The following TSPAN18 variants were observed in gnomAD, a reference collection of about 807,000 sequenced individuals.
The protein encoded by TSPAN18 is tetraspanin 18.
In TSPAN18, 14 loss-of-function variants were observed where a neutral mutation model predicts 27.3. The ratio of observed to expected loss-of-function variants is 0.51; its 90% CI spans 0.34 to 0.80. The LOEUF is 0.80. TSPAN18 is among the 30% of genes least tolerant of loss of function. TSPAN18 has a pLI of 0.01. For synonymous variants in TSPAN18, 143 were observed against 136.5 expected, an observed-to-expected ratio of 1.05 and a Z score of -0.33; for missense variants, 268 against 323.9, an observed-to-expected ratio of 0.83 and a Z score of 1.32.
intron 1 of TSPAN18, among the ~76,000 whole-genome samples, chr11:44,731,633 T>A (rs11825215): frequency 0.27 from 29,283 of 107,338 alleles, 4,883 homozygotes; most frequent in East Asian, 0.73. Flanking sequence ...TGTGTGTGTG[T>A]GAGAGAGAGA....
At chr11:44,746,683 G>A (rs1170944757) in intron 1 of TSPAN18, among the ~76,000 whole-genome samples, 1 of 152,170 alleles carries the variant, frequency 6.6e-6, no homozygotes, top group Non-Finnish European at 1.5e-5. Flanking sequence ...CTTGAGCCGA[G>A]GAGTTAGAAG....
rs572073615 is a variant in TSPAN18 at position 44,755,935 on chromosome 11, G to A, written c.-239-8491G>A. Among the ~76,000 whole-genome samples the A allele has an allele frequency of 2.6e-3, 403 of 152,210 alleles. 1 individual carries two copies. The highest frequency in any genetic ancestry group is 4.5e-3 in the Non-Finnish European group (305 of 68,010). ...GAGTACAGAGCCAGGGTGGGGAGAA[G>A]GGGAGACAGAGAGAGAAATGGAGAG... On this transcript the variant is annotated intron_variant, in intron 1 of 9. Transcript: ENST00000520358.
chr11:44,791,800 A>C (rs1856230784), intron 2 of TSPAN18, among the ~76,000 whole-genome samples: 2 of 152,208 alleles, frequency 1.3e-5, no homozygotes, highest in African/African-American at 4.8e-5. Context: ...TGTAGCACTC[A>C]AGGCACCCTC....
At chr11:44,769,951 G>A (rs1478626355) in intron 2 of TSPAN18, among the ~76,000 whole-genome samples, 1 of 152,196 alleles carries the variant, frequency 6.6e-6, no homozygotes, top group Non-Finnish European at 1.5e-5. Context: ...AGGCTTAGGG[G>A]TAAATCTCGT....
chr11:44,743,298 T>C (rs1312064289), intron 1 of TSPAN18, among the ~76,000 whole-genome samples: 2 of 152,052 alleles, frequency 1.3e-5, no homozygotes, highest in Non-Finnish European at 2.9e-5. Flanking sequence ...CATGACAATG[T>C]CTTTGGGGTG....
At position 44,909,686 on chromosome 11, in the gene TSPAN18, C is replaced by G. The variant is rs1398033854; in HGVS notation, c.64-19C>G. The G allele has an allele frequency of 6.2e-7, 1 of 1,600,064 alleles. No individual in the cohort carries two copies. The highest frequency in any genetic ancestry group is 8.5e-7 in the Non-Finnish European group (1 of 1,174,820). ...TTTCTGCCTGTTTCTCCTCCCAACT[C>G]CTCCACTGGCCCGAGCAGCTGGGCG... On this transcript the variant is annotated intron_variant, in intron 4 of 9. Transcript: ENST00000520358.
intron 3 of TSPAN18, among the ~76,000 whole-genome samples, chr11:44,898,915 T>A (rs1859159270): frequency 6.6e-6 from 1 of 152,230 alleles, no homozygotes; most frequent in South Asian, 2.1e-4. Context: ...CACCTGGTTT[T>A]GTTTTACACG....
chr11:44,857,216 C>G (rs1019770622), intron 2 of TSPAN18, among the ~76,000 whole-genome samples: 1 of 152,222 alleles, frequency 6.6e-6, no homozygotes, highest in Non-Finnish European at 1.5e-5. Flanking sequence ...TTATCTTGAT[C>G]ACTGGGATTA....
chr11:44,876,250 A>G (rs1012401701), intron 3 of TSPAN18, among the ~76,000 whole-genome samples: 11 of 152,308 alleles, frequency 7.2e-5, no homozygotes, highest in African/African-American at 2.2e-4. Flanking sequence ...AGGTGGGTCA[A>G]TGCTGTCTCT....
chr11:44,756,128 CCT>C (rs756193010), intron 1 of TSPAN18, among the ~76,000 whole-genome samples: 19 of 152,132 alleles, frequency 1.2e-4, no homozygotes, highest in Non-Finnish European at 2.6e-4. Context: ...CTCTCTTCCT[CCT>C]CTGAAATCCG....
intron 1 of TSPAN18, among the ~76,000 whole-genome samples, chr11:44,763,908 T>C (rs755261903): frequency 2.2e-4 from 34 of 151,876 alleles, no homozygotes; most frequent in Non-Finnish European, 4.3e-4. Flanking sequence ...AATTTATATA[T>C]AAAAAAAGAT....
chr11:44,795,328 C>T (rs909691466), intron 2 of TSPAN18, among the ~76,000 whole-genome samples: 11 of 144,670 alleles, frequency 7.6e-5, no homozygotes, highest in Non-Finnish European at 1.5e-4. Context: ...TGGCATGAGG[C>T]GATGTTTAAG....
chr11:44,929,459 A>C lies in TSPAN18; in HGVS notation c.*281A>C. 2.2e-6 allele frequency: 1 copy of C among 455,448 alleles called. No homozygotes were observed. Among genetic ancestry groups the C allele is most frequent in the Non-Finnish European group, 3.9e-6 (1 of 256,268 alleles). 28.2% of individuals were successfully genotyped at this position (455,448 alleles called of 1,614,324 possible). On this transcript the variant is annotated 3_prime_UTR_variant, in exon 10 of 10. Transcript: ENST00000520358. ...AGGATGCAGGCTGCTCTAGAGACCA[A>C]AGGAACACCAGGCCCAGCGCCCTCT...
At chr11:44,866,136 C>T (rs998577245) in intron 3 of TSPAN18, among the ~76,000 whole-genome samples, 5 of 152,370 alleles carry the variant, frequency 3.3e-5, no homozygotes, top group East Asian at 1.9e-4. Context: ...CTGCCACACT[C>T]GGGCACAGGC....
intron 2 of TSPAN18, among the ~76,000 whole-genome samples, chr11:44,778,943 G>T (rs1855874588): frequency 6.6e-6 from 1 of 152,110 alleles, no homozygotes; most frequent in Admixed American, 6.5e-5. Flanking sequence ...TGGTCTCTGG[G>T]CCCACACACC....
chr11:44,726,310 C>T (rs891483243), upstream of TSPAN18, among the ~76,000 whole-genome samples: 3 of 152,120 alleles, frequency 2.0e-5, no homozygotes, highest in African/African-American at 7.2e-5. Flanking sequence ...GGGTTGGGAG[C>T]CAGTGCTGCT....
At chr11:44,739,579 ACG>A (rs1393855753) in intron 1 of TSPAN18, among the ~76,000 whole-genome samples, 1 of 152,210 alleles carries the variant, frequency 6.6e-6, no homozygotes, top group Non-Finnish European at 1.5e-5. Context: ...AGCTGAAATT[ACG>A]CCAATGCATT....
chr11:44,752,422 C>T (rs1855233507), intron 1 of TSPAN18, among the ~76,000 whole-genome samples: 1 of 152,114 alleles, frequency 6.6e-6, no homozygotes, highest in Non-Finnish European at 1.5e-5. Context: ...CACTCTGTTG[C>T]CCAGGCTGAA....
intron 3 of TSPAN18, among the ~76,000 whole-genome samples, chr11:44,883,189 G>A (rs1038008572): frequency 2.0e-5 from 3 of 152,160 alleles, no homozygotes; most frequent in Non-Finnish European, 4.4e-5. Flanking sequence ...TTTTAGTGAC[G>A]TTTCTTAGCT....
Sources: allele counts gnomAD v4.1 joint callset (sites outside exome capture counted in the v4.1 genomes callset), GRCh38; gene constraint gnomAD v4.1.1; transcripts MANE v1.5; gene names NCBI Gene and HGNC (gene_info 2026-07-23, HGNC 2026-07-21).